Variants in TTLL5 observed in about 807,000 individuals in gnomAD.
TTLL5 encodes the protein tubulin tyrosine ligase like 5.
A neutral mutation model predicts 168.4 loss-of-function variants in TTLL5; 132 were observed. The ratio of observed to expected loss-of-function variants is 0.78; its 90% CI spans 0.68 to 0.91. TTLL5 has a LOEUF of 0.91. TTLL5 is among the 40% of genes least tolerant of loss of function. The pLI is 0.00. For missense variants in TTLL5, 1,545 were observed against 1,581.5 expected (o/e 0.98, Z 0.39); for synonymous variants, 546 against 558.6 (o/e 0.98, Z 0.32).
chr14:75,668,495 C>T (rs1883469131), intron 2 of TTLL5, among the ~76,000 whole-genome samples: 1 of 152,136 alleles, frequency 6.6e-6, no homozygotes, highest in South Asian at 2.1e-4. Flanking sequence ...CTCTTCCTAC[C>T]TCCCTGCCCT....
At chr14:75,923,619 T>A (rs1478504678) in intron 31 of TTLL5, among the ~76,000 whole-genome samples, 1 of 152,220 alleles carries the variant, frequency 6.6e-6, no homozygotes, top group Non-Finnish European at 1.5e-5. Flanking sequence ...TGAGGAGTGC[T>A]TTACTTCCAA....
intron 12 of TTLL5, among the ~76,000 whole-genome samples, chr14:75,722,236 TC>T (rs1194982876): frequency 1.3e-5 from 2 of 152,076 alleles, no homozygotes; most frequent in East Asian, 3.9e-4. Context: ...CCACATTGCC[TC>T]CTCCCTCATG....
At chr14:75,811,629 G>A (rs574932360) in intron 27 of TTLL5, among the ~76,000 whole-genome samples, 1 of 152,258 alleles carries the variant, frequency 6.6e-6, no homozygotes, top group South Asian at 2.1e-4. Context: ...ATCTGCACAT[G>A]CGTTAGCGCT....
chr14:75,854,245 T>C (rs1000323204), intron 28 of TTLL5, among the ~76,000 whole-genome samples: 4 of 152,210 alleles, frequency 2.6e-5, no homozygotes, highest in African/African-American at 9.6e-5. Context: ...TCACTGTAGA[T>C]TTGCTGTGCC....
intron 28 of TTLL5, among the ~76,000 whole-genome samples, chr14:75,841,840 A>G (rs552762439): frequency 6.6e-6 from 1 of 152,352 alleles, no homozygotes; most frequent in South Asian, 2.1e-4. Context: ...AAATCTTCTC[A>G]GAGGTAGCTA....
In TTLL5 at chr14:75,902,105, C is replaced by T. The variant is rs1035439654; in HGVS notation, c.3741-37C>T. 6 of 1,604,258 alleles carry T rather than the reference C, an allele frequency of 3.7e-6. No individual in the cohort carries two copies. In the East Asian group the frequency reaches 6.7e-5, roughly 18 times the overall value. On this transcript the variant is annotated intron_variant, in intron 30 of 31. Coordinates refer to ENST00000298832, the MANE Select transcript of TTLL5 (RefSeq NM_015072.5). The stretch of plus-strand genomic sequence containing the variant: ...AGGTCCTGCACCTGACCTCACCTTT[C>T]CGCCTGCAGGTCTGACCAAGCTCCT...
chr14:75,822,276 C>CT (rs1894874787), intron 28 of TTLL5, among the ~76,000 whole-genome samples: 1 of 152,122 alleles, frequency 6.6e-6, no homozygotes, highest in Admixed American at 6.5e-5. Context: ...GCTTAGAGAT[C>CT]TGAGTTTTAT....
chr14:75,672,490 G>A (rs968925329), intron 3 of TTLL5, among the ~76,000 whole-genome samples: 4 of 152,192 alleles, frequency 2.6e-5, no homozygotes, highest in South Asian at 2.1e-4. Flanking sequence ...TGATCCACCC[G>A]CCTCGGCCTC....
At chr14:75,833,600 G>A (rs966522588) in intron 28 of TTLL5, among the ~76,000 whole-genome samples, 2 of 152,124 alleles carry the variant, frequency 1.3e-5, no homozygotes, top group East Asian at 1.9e-4. Context: ...CTACTTCCTA[G>A]GGATGTTCTC....
At chr14:75,695,820 C>A (rs1352200712) in intron 6 of TTLL5, among the ~76,000 whole-genome samples, 1 of 133,546 alleles carries the variant, frequency 7.5e-6, no homozygotes, top group Admixed American at 7.4e-5. Context: ...CCCCTCCCCT[C>A]CCCGACTTCC....
intron 6 of TTLL5, 84 bp from the exon 7 acceptor site, chr14:75,699,104 C>T (rs1886076982): frequency 1.6e-6 from 2 of 1,252,536 alleles, no homozygotes; most frequent in Non-Finnish European, 2.3e-6. Context: ...AGTAGATAAC[C>T]CTTTTTGAAA....
In TTLL5 at chr14:75,904,169, A is replaced by C. The variant is rs111971468; in HGVS notation, c.3823+1945A>C. On this transcript the variant is annotated intron_variant, in intron 31 of 31. Coordinates refer to ENST00000298832, the MANE Select transcript of TTLL5 (RefSeq NM_015072.5). ...ACATTTTAGAACCTGAATTCAAGAA[A>C]TACTTGATGGGTATCTATTCACCTC... is the stretch of plus-strand genomic sequence containing the variant. 1,300 of 1,268,658 alleles carry C rather than the reference A, an allele frequency of 1.0e-3. 14 individuals are homozygous for C. The African/African-American group carries it at 0.019, about 19-fold the overall frequency. The allele number at this position is 1,268,658 out of a possible 1,614,324, so 78.6% of individuals were successfully genotyped here.
rs1006073214 is a variant in TTLL5, at chr14:75,669,424, C to T, written c.83C>T (p.Pro28Leu). ...CTTTTTTGTCGTTATAGGGATCATC[C>T]ATGCATCATGTGGACTGGAGGCTGC... ...DEEVISQEDHPCIMWTGGCRR... is the reference protein window; with the variant it reads ...DEEVISQEDHLCIMWTGGCRR... The change falls in exon 3 of 32, where the codon CCA (proline) becomes CTA (leucine). Residue 28 changes from proline (P) to leucine (L), a missense_variant. Transcript: ENST00000298832. 6.2e-7 allele frequency: 1 copy of T among 1,613,658 alleles called. No homozygotes were observed. The highest frequency in any genetic ancestry group is 1.3e-5 in the African/African-American group (1 of 74,920).
chr14:75,798,009 T>A (rs1219365800), intron 27 of TTLL5, among the ~76,000 whole-genome samples: 1 of 152,048 alleles, frequency 6.6e-6, no homozygotes. Context: ...TGGAATAGTT[T>A]CAATAAGATT....
At position 75,766,162 on chromosome 14, in the gene TTLL5, C is replaced by T; in HGVS notation, c.1809C>T (p.Ser603=). 1 of 1,613,916 alleles carries T rather than the reference C, an allele frequency of 6.2e-7. No individual in the cohort carries two copies. The highest frequency in any genetic ancestry group is 8.5e-7 in the Non-Finnish European group (1 of 1,179,932). The part of the protein sequence containing the change: ...LDNEDEEQEA[S]QEESAGFLRE... ...ATGAAGATGAAGAACAGGAGGCTTCCCAGGAGGAGTCTGCAGGATTTCTTA... is the reference window on the plus strand; with the variant it reads ...ATGAAGATGAAGAACAGGAGGCTTCTCAGGAGGAGTCTGCAGGATTTCTTA... The change falls in exon 20 of 32, where the codon TCC becomes TCT. Residue 603 remains serine (S), a synonymous_variant. Transcript: ENST00000298832.
At chr14:75,789,684 A>G (rs1331290701) in intron 26 of TTLL5, among the ~76,000 whole-genome samples, 3 of 152,202 alleles carry the variant, frequency 2.0e-5, no homozygotes, top group Non-Finnish European at 2.9e-5. Flanking sequence ...TTATAAGACT[A>G]CATTGAAAGA....
At position 75,863,656 on chromosome 14, in the gene TTLL5, TTTCTC is replaced by T. The variant is rs2030226103; in HGVS notation, c.3327-7_3327-3del. ...ACTCACTCTAAGAAACCTGCTTGCT[TTTCTC>T]TTCAGGAGCCTGCAGACAGGGGGAT... On this transcript the variant is annotated splice_polypyrimidine_tract_variant and splice_region_variant and intron_variant, in intron 28 of 31. Transcript: ENST00000298832. 1 of 1,587,782 alleles carries T rather than the reference TTTCTC, an allele frequency of 6.3e-7. No individual in the cohort carries two copies.
chr14:75,800,577 G>A (rs935829408), intron 27 of TTLL5, among the ~76,000 whole-genome samples: 2 of 152,024 alleles, frequency 1.3e-5, no homozygotes, highest in South Asian at 2.1e-4. Context: ...TTGTTTTTCC[G>A]GTTCCTTCTC....
At chr14:75,736,907 G>T (rs1888947659) in intron 15 of TTLL5, among the ~76,000 whole-genome samples, 1 of 152,200 alleles carries the variant, frequency 6.6e-6, no homozygotes, top group Admixed American at 6.6e-5. Flanking sequence ...AGAAAAAGTA[G>T]AGGATTAACC....
Sources: allele counts gnomAD v4.1 joint callset (sites outside exome capture counted in the v4.1 genomes callset), GRCh38; gene constraint gnomAD v4.1.1; transcripts MANE v1.5; gene names NCBI Gene and HGNC (gene_info 2026-07-23, HGNC 2026-07-21).